Variants in GPC5 observed in about 807,000 individuals in gnomAD.
GPC5 encodes glypican-5.
In GPC5, 47 loss-of-function variants were observed where a neutral mutation model predicts 53.9. That is an observed-to-expected ratio of 0.87 (90% CI 0.69 to 1.11). GPC5 has a LOEUF of 1.11. Among genes scored for constraint, GPC5 ranks in the 50% most tolerant of loss-of-function variants. GPC5 has a pLI of 0.00. For missense variants in GPC5, 748 were observed against 713.1 expected, an observed-to-expected ratio of 1.05 and a Z score of -0.56; for synonymous variants, 286 against 263.3, an observed-to-expected ratio of 1.09 and a Z score of -0.84.
intron 6 of GPC5, among the ~76,000 whole-genome samples, chr13:92,093,411 T>A (rs2041396477): frequency 6.6e-6 from 1 of 152,168 alleles, no homozygotes; most frequent in Admixed American, 6.5e-5. Context: ...TATGTATAGA[T>A]GTGCAAGTAT....
chr13:91,543,100 C>A (rs967779128), intron 2 of GPC5, among the ~76,000 whole-genome samples: 2 of 152,104 alleles, frequency 1.3e-5, no homozygotes, highest in Admixed American at 6.6e-5. Flanking sequence ...TCGTAATCGG[C>A]CCTCCTGGGC....
At chr13:91,529,841 A>G (rs79827779) in intron 2 of GPC5, among the ~76,000 whole-genome samples, 11,533 of 151,934 alleles carry the variant, frequency 0.076, 514 homozygotes, top group Middle Eastern at 0.13. Context: ...TTTGTTTTCT[A>G]CTATGACCTC....
intron 2 of GPC5, among the ~76,000 whole-genome samples, chr13:91,538,405 G>T (rs923625755): frequency 1.3e-5 from 2 of 151,954 alleles, no homozygotes; most frequent in Non-Finnish European, 2.9e-5. Flanking sequence ...TTAAGAAAAA[G>T]TATTGAAAAC....
At chr13:91,965,449 T>A (rs1159398294) in intron 6 of GPC5, among the ~76,000 whole-genome samples, 1 of 152,172 alleles carries the variant, frequency 6.6e-6, no homozygotes, top group Non-Finnish European at 1.5e-5. Context: ...TTTATAACAT[T>A]TCTATTTCTT....
At chr13:92,486,287 C>T (rs1057069329) in intron 7 of GPC5, among the ~76,000 whole-genome samples, 1 of 152,180 alleles carries the variant, frequency 6.6e-6, no homozygotes, top group Admixed American at 6.5e-5. Flanking sequence ...TGACCTTCAC[C>T]GAAAAATACA....
intron 6 of GPC5, among the ~76,000 whole-genome samples, chr13:92,051,670 G>A (rs549151710): frequency 3.3e-5 from 5 of 152,318 alleles, no homozygotes; most frequent in African/African-American, 7.2e-5. Context: ...TAGGCTGATA[G>A]TGTGAAACAC....
At chr13:91,488,574 G>C (rs1883747956) in intron 2 of GPC5, among the ~76,000 whole-genome samples, 1 of 152,168 alleles carries the variant, frequency 6.6e-6, no homozygotes, top group Non-Finnish European at 1.5e-5. Flanking sequence ...AAATTGTGAA[G>C]ATTTCATGGA....
chr13:92,545,155 T>C (rs1882062840), intron 7 of GPC5, among the ~76,000 whole-genome samples: 2 of 151,972 alleles, frequency 1.3e-5, no homozygotes, highest in Admixed American at 1.3e-4. Context: ...CACCTATGAG[T>C]GAGAACATGT....
At chr13:91,980,798 T>G (rs528624134) in intron 6 of GPC5, among the ~76,000 whole-genome samples, 1 of 152,330 alleles carries the variant, frequency 6.6e-6, no homozygotes, top group Non-Finnish European at 1.5e-5. Context: ...AATCAGGAAC[T>G]GATTTCTAAG....
chr13:91,447,631 C>G (rs779391648), intron 1 of GPC5, among the ~76,000 whole-genome samples: 22 of 152,186 alleles, frequency 1.4e-4, no homozygotes, highest in African/African-American at 5.1e-4. Context: ...GAGGCCAACT[C>G]TGTGTGGAAA....
At chr13:92,187,823 C>A (rs945995710) in intron 7 of GPC5, among the ~76,000 whole-genome samples, 5 of 152,182 alleles carry the variant, frequency 3.3e-5, no homozygotes, top group South Asian at 2.1e-4. Flanking sequence ...TTTCTATCAT[C>A]ATTGTTCAGT....
intron 5 of GPC5, among the ~76,000 whole-genome samples, chr13:91,780,129 G>A (rs1329911032): frequency 6.6e-6 from 1 of 152,130 alleles, no homozygotes; most frequent in Non-Finnish European, 1.5e-5. Context: ...GTGTCACTAG[G>A]CTATAGGAAT....
intron 7 of GPC5, among the ~76,000 whole-genome samples, chr13:92,581,857 T>G (rs1413546859): frequency 6.6e-6 from 1 of 152,152 alleles, no homozygotes; most frequent in Non-Finnish European, 1.5e-5. Context: ...TTTTTATGAC[T>G]TCTTTTGAGA....
chr13:91,760,707 G>A lies in GPC5; in HGVS notation c.1280+4287G>A, dbSNP rs1313751313. The stretch of plus-strand genomic sequence containing the variant: ...GTGCACAGACATTCTTCAAAGACTA[G>A]GAGAGCCATACAGACTATTTTAATA... On this transcript the variant is annotated intron_variant, in intron 5 of 7. Coordinates refer to ENST00000377067, the MANE Select transcript of GPC5 (RefSeq NM_004466.6). Among the ~76,000 whole-genome samples, 3 of 152,126 alleles carry A rather than the reference G, an allele frequency of 2.0e-5. No individual in the cohort carries two copies. In the East Asian group the frequency reaches 5.8e-4, roughly 29 times the overall value.
chr13:92,444,501 G>C (rs909091712), intron 7 of GPC5, among the ~76,000 whole-genome samples: 6 of 152,010 alleles, frequency 3.9e-5, no homozygotes, highest in Non-Finnish European at 8.8e-5. Context: ...TGGTTGAGAA[G>C]GTGGCAGTTT....
At chr13:92,834,603 A>C (rs538464369) in intron 7 of GPC5, among the ~76,000 whole-genome samples, 33 of 152,292 alleles carry the variant, frequency 2.2e-4, no homozygotes, top group African/African-American at 5.3e-4. Flanking sequence ...GTTGACAAAG[A>C]GTGTGGCAGT....
intron 7 of GPC5, among the ~76,000 whole-genome samples, chr13:92,441,914 G>A (rs927283392): frequency 2.5e-4 from 38 of 152,244 alleles, no homozygotes; most frequent in Non-Finnish European, 1.0e-4. Flanking sequence ...AAAGCCAGAG[G>A]CATCACAAAT....
At chr13:91,674,377 TTA>T (rs576931863) in intron 2 of GPC5, among the ~76,000 whole-genome samples, 7 of 147,420 alleles carry the variant, frequency 4.7e-5, no homozygotes, top group African/African-American at 5.1e-5. Context: ...CACTAACTCA[TTA>T]TATATATATA....
intron 7 of GPC5, among the ~76,000 whole-genome samples, chr13:92,589,858 G>A (rs777040117): frequency 3.6e-4 from 55 of 152,128 alleles, no homozygotes; most frequent in South Asian, 6.2e-4. Flanking sequence ...TAAGTCAATC[G>A]AAATGATAAT....
Sources: allele counts gnomAD v4.1 joint callset (sites outside exome capture counted in the v4.1 genomes callset), GRCh38; gene constraint gnomAD v4.1.1; transcripts MANE v1.5; gene names NCBI Gene and HGNC (gene_info 2026-07-23, HGNC 2026-07-21).